The following AKAP13 variants were observed in gnomAD, a reference collection of about 807,000 sequenced individuals.
AKAP13 encodes the protein A-kinase anchoring protein 13.
In AKAP13, 80 loss-of-function variants were observed where a neutral mutation model predicts 264.5. The observed-to-expected ratio is 0.30, with a 90% CI of 0.25 to 0.36. The LOEUF is 0.36. AKAP13 is among the 10% of genes least tolerant of loss of function. The pLI is 1.00. For missense variants in AKAP13, 3,712 were observed against 3,435.2 expected (o/e 1.08, Z -2.01); for synonymous variants, 1,380 against 1,250.2 (o/e 1.10, Z -2.19).
intron 10 of AKAP13, among the ~76,000 whole-genome samples, chr15:85,647,684 G>T (rs1052381856): frequency 1.3e-5 from 2 of 152,154 alleles, no homozygotes; most frequent in Non-Finnish European, 2.9e-5. Context: ...AATGGCTCAC[G>T]CCTGTAATCC....
intron 11 of AKAP13, among the ~76,000 whole-genome samples, chr15:85,657,304 G>T (rs1453691635): frequency 2.6e-5 from 4 of 152,072 alleles, no homozygotes; most frequent in African/African-American, 9.7e-5. Flanking sequence ...CACTCACTAT[G>T]TGCCAGACTC....
intron 27 of AKAP13, 110 bp from the exon 28 acceptor site, chr15:85,726,956 C>T (rs78007534): frequency 0.025 from 30,634 of 1,213,300 alleles, 485 homozygotes; most frequent in Non-Finnish European, 0.029. Flanking sequence ...CCTTGTTTTT[C>T]AAACTATGTG....
intron 8 of AKAP13, chr15:85,619,526 A>G (rs1012323646): frequency 4.1e-6 from 4 of 985,288 alleles, no homozygotes; most frequent in Non-Finnish European, 4.8e-6. Context: ...TTTTTTAAGG[A>G]AAAGTAGATT....
intron 5 of AKAP13, among the ~76,000 whole-genome samples, chr15:85,548,475 C>T (rs1027252247): frequency 1.3e-5 from 2 of 152,144 alleles, no homozygotes; most frequent in Non-Finnish European, 2.9e-5. Flanking sequence ...TAATAAAAAT[C>T]TAAGCTTGCC....
At chr15:85,650,563 C>G (rs1262267215) in intron 10 of AKAP13, among the ~76,000 whole-genome samples, 1 of 151,452 alleles carries the variant, frequency 6.6e-6, no homozygotes, top group Non-Finnish European at 1.5e-5. Context: ...CGAGACCAGC[C>G]TGGCCAACAT....
chr15:85,656,152 C>T (rs997090620), intron 11 of AKAP13, among the ~76,000 whole-genome samples: 1 of 152,178 alleles, frequency 6.6e-6, no homozygotes, highest in Non-Finnish European at 1.5e-5. Context: ...GCAGTAGTTT[C>T]ATGTCAACTT....
chr15:85,436,980 T>G (rs1352010164), intron 1 of AKAP13, among the ~76,000 whole-genome samples: 1 of 148,282 alleles, frequency 6.7e-6, no homozygotes, highest in East Asian at 2.0e-4. Flanking sequence ...AGAGCAGAAC[T>G]GAAGGAAATA....
At chr15:85,612,108 G>A (rs1375760614) in intron 8 of AKAP13, among the ~76,000 whole-genome samples, 1 of 152,180 alleles carries the variant, frequency 6.6e-6, no homozygotes, top group Non-Finnish European at 1.5e-5. Context: ...GTGACATGGA[G>A]TTGTACTATA....
intron 1 of AKAP13, among the ~76,000 whole-genome samples, chr15:85,389,102 A>G (rs1191291974): frequency 1.3e-5 from 2 of 152,182 alleles, no homozygotes; most frequent in African/African-American, 4.8e-5. Flanking sequence ...TTTAGCTTAC[A>G]GTTCCTGGGT....
chr15:85,425,969 G>C (rs1376169261), intron 1 of AKAP13, among the ~76,000 whole-genome samples: 3 of 151,764 alleles, frequency 2.0e-5, no homozygotes, highest in Non-Finnish European at 4.4e-5. Flanking sequence ...GAAAATAAGA[G>C]ACATCTATAA....
intron 5 of AKAP13, among the ~76,000 whole-genome samples, chr15:85,568,230 G>T (rs1264518723): frequency 6.6e-6 from 1 of 151,988 alleles, no homozygotes; most frequent in East Asian, 1.9e-4. Context: ...AGCCCCGGAG[G>T]TTGAGGCTGC....
chr15:85,655,455 C>T lies in AKAP13; in HGVS notation c.4413C>T (p.Ser1471=). 4 of 1,614,164 alleles carry T rather than the reference C, an allele frequency of 2.5e-6. No individual in the cohort carries two copies. Among genetic ancestry groups the T allele is most frequent in the Non-Finnish European group, 3.4e-6 (4 of 1,180,026 alleles). Residue 1471 remains serine, a synonymous_variant, in exon 11 of 37, where the codon TCC becomes TCT. Transcript: ENST00000394518. The stretch of plus-strand genomic sequence containing the variant: ...ATTTGGCCTGTGATATCACCGGATC[C>T]AGTTCATCCACCGATGACACGGCTT... ...EEHLACDITG[S]SSSTDDTASL...
intron 5 of AKAP13, among the ~76,000 whole-genome samples, chr15:85,568,496 A>G (rs1248689146): frequency 6.6e-6 from 1 of 152,178 alleles, no homozygotes; most frequent in Non-Finnish European, 1.5e-5. Context: ...AGAATGGGGT[A>G]TAAGAAGATT....
intron 1 of AKAP13, among the ~76,000 whole-genome samples, chr15:85,476,369 C>T (rs1223462435): frequency 1.3e-5 from 2 of 152,118 alleles, no homozygotes; most frequent in Admixed American, 1.3e-4. Flanking sequence ...ATTTTCCTCA[C>T]CATCACCTTT....
At chr15:85,459,465 A>G (rs1297704678) in intron 1 of AKAP13, among the ~76,000 whole-genome samples, 1 of 141,480 alleles carries the variant, frequency 7.1e-6, no homozygotes, top group African/African-American at 2.7e-5. Context: ...TCCCAAAGTG[A>G]TAGGATTACA....
chr15:85,635,660 G>A (rs2082040865), intron 8 of AKAP13, among the ~76,000 whole-genome samples: 1 of 151,884 alleles, frequency 6.6e-6, no homozygotes, highest in East Asian at 1.9e-4. Context: ...GTTTCCCTCT[G>A]TCTTCTTTAG....
chr15:85,480,677 C>G (rs2075322942), intron 1 of AKAP13, among the ~76,000 whole-genome samples: 1 of 151,862 alleles, frequency 6.6e-6, no homozygotes, highest in Non-Finnish European at 1.5e-5. Flanking sequence ...GATAGAGACA[C>G]ACCATTTCTT....
intron 8 of AKAP13, among the ~76,000 whole-genome samples, chr15:85,596,227 T>C (rs1381725354): frequency 6.6e-6 from 1 of 152,214 alleles, no homozygotes; most frequent in Admixed American, 6.5e-5. Context: ...TAAGCCAAAA[T>C]GTTTATTGTA....
At chr15:85,592,517 G>GGT (rs971230538) in intron 8 of AKAP13, among the ~76,000 whole-genome samples, 3 of 152,068 alleles carry the variant, frequency 2.0e-5, no homozygotes, top group African/African-American at 7.2e-5. Context: ...ATAGTTTTGT[G>GGT]GTGTGTGTGT....
Sources: allele counts gnomAD v4.1 joint callset (sites outside exome capture counted in the v4.1 genomes callset), GRCh38; gene constraint gnomAD v4.1.1; transcripts MANE v1.5; gene names NCBI Gene and HGNC (gene_info 2026-07-23, HGNC 2026-07-21).